The following L3MBTL4 variants were observed in gnomAD, a reference collection of about 807,000 sequenced individuals.
L3MBTL4 encodes L3MBTL histone methyl-lysine binding protein 4.
A neutral mutation model predicts 84.5 loss-of-function variants in L3MBTL4; 70 were observed. That is an observed-to-expected ratio of 0.83 (90% confidence interval 0.68 to 1.01). The LOEUF is 1.01. Among genes scored for constraint, L3MBTL4 ranks in the 50% least tolerant of loss-of-function variants. L3MBTL4 has a pLI of 0.00. For synonymous variants in L3MBTL4, 274 were observed against 259.8 expected, an observed-to-expected ratio of 1.05 and a Z score of -0.52; for missense variants, 715 against 754.8, an observed-to-expected ratio of 0.95 and a Z score of 0.62.
At position 5,967,685 on chromosome 18, in the gene L3MBTL4, T is replaced by C. The variant is rs542908753; in HGVS notation, c.1614+1708A>G. Among the ~76,000 whole-genome samples, 291 of 152,194 alleles carry C rather than the reference T, an allele frequency of 1.9e-3. 3 individuals are homozygous for C. Among genetic ancestry groups the C allele is most frequent in the African/African-American group, 6.5e-3 (268 of 41,532 alleles). On this transcript the variant is annotated intron_variant, in intron 17 of 18. Coordinates refer to ENST00000317931, the MANE Select transcript of L3MBTL4 (RefSeq NM_001330559.2). ...CAGAGTGCAGATGCCCTGCCAGAGG[T>C]GACCTCTGGCTCAGACCGAGGATCC...
At chr18:6,218,458 C>T (rs143981817) in intron 10 of L3MBTL4, among the ~76,000 whole-genome samples, 23 of 152,234 alleles carry the variant, frequency 1.5e-4, no homozygotes, top group African/African-American at 4.6e-4. Context: ...CGAAAGGAAA[C>T]CTGAGTGTAG....
chr18:6,071,171 A>C (rs2057580906), intron 16 of L3MBTL4, among the ~76,000 whole-genome samples: 1 of 151,598 alleles, frequency 6.6e-6, no homozygotes, highest in African/African-American at 2.4e-5. Flanking sequence ...TGGGGAGATC[A>C]CTTGAGGCTA....
chr18:6,215,526 G>A, intron 11 of L3MBTL4, among the ~76,000 whole-genome samples: 1 of 152,132 alleles, frequency 6.6e-6, no homozygotes, highest in Non-Finnish European at 1.5e-5. Flanking sequence ...CCTCTGATTT[G>A]CCATTTTTCA....
chr18:6,084,495 G>A (rs2058192530), intron 15 of L3MBTL4, among the ~76,000 whole-genome samples: 1 of 152,114 alleles, frequency 6.6e-6, no homozygotes, highest in African/African-American at 2.4e-5. Flanking sequence ...TCCCCAAACT[G>A]CCACAATAAC....
At chr18:6,104,995 C>T (rs2058954658) in intron 14 of L3MBTL4, among the ~76,000 whole-genome samples, 1 of 151,800 alleles carries the variant, frequency 6.6e-6, no homozygotes, top group East Asian at 1.9e-4. Flanking sequence ...TTAAAAACAG[C>T]TGTTTTAAAA....
intron 16 of L3MBTL4, among the ~76,000 whole-genome samples, chr18:6,001,284 C>T (rs1474427509): frequency 2.0e-5 from 3 of 152,222 alleles, no homozygotes; most frequent in Non-Finnish European, 4.4e-5. Flanking sequence ...CAGTTTTCCC[C>T]TTCTGGGGAG....
chr18:6,267,867 A>T (rs2048702509), intron 4 of L3MBTL4, among the ~76,000 whole-genome samples: 1 of 152,214 alleles, frequency 6.6e-6, no homozygotes, highest in Non-Finnish European at 1.5e-5. Flanking sequence ...AAGTGAGATG[A>T]GGGAATACCA....
At chr18:5,986,094 G>T (rs1392239444) in intron 16 of L3MBTL4, among the ~76,000 whole-genome samples, 1 of 152,174 alleles carries the variant, frequency 6.6e-6, no homozygotes, top group Non-Finnish European at 1.5e-5. Flanking sequence ...TGGAGCAGCT[G>T]ATTTACCTGA....
intron 16 of L3MBTL4, among the ~76,000 whole-genome samples, chr18:5,996,254 T>G (rs1444982297): frequency 6.6e-6 from 1 of 152,212 alleles, no homozygotes; most frequent in Non-Finnish European, 1.5e-5. Flanking sequence ...AATCTGATTT[T>G]TTCCGAAATA....
chr18:6,243,859 T>C (rs1226544018), intron 6 of L3MBTL4, among the ~76,000 whole-genome samples: 2 of 152,132 alleles, frequency 1.3e-5, no homozygotes, highest in African/African-American at 2.4e-5. Context: ...CTCTAACATA[T>C]GTATCCAGCA....
chr18:6,030,598 A>T, intron 16 of L3MBTL4: 1 of 772,880 alleles, frequency 1.3e-6, no homozygotes, highest in South Asian at 5.9e-5. Flanking sequence ...TCCCAGGTTC[A>T]AGCGATTCTC....
chr18:6,395,624 T>C (rs1397727763), intron 1 of L3MBTL4: 3 of 152,190 alleles, frequency 2.0e-5, no homozygotes, highest in Non-Finnish European at 2.9e-5. Flanking sequence ...TCAGATAATA[T>C]GATTAGTAGC....
intron 5 of L3MBTL4, among the ~76,000 whole-genome samples, chr18:6,251,392 T>C (rs918376676): frequency 3.9e-5 from 6 of 152,350 alleles, no homozygotes; most frequent in African/African-American, 1.4e-4. Flanking sequence ...GAATATAAGA[T>C]AGAGAAGGAA....
intron 1 of L3MBTL4, among the ~76,000 whole-genome samples, chr18:6,377,287 C>T (rs1169541770): frequency 6.6e-6 from 1 of 152,142 alleles, no homozygotes; most frequent in Non-Finnish European, 1.5e-5. Context: ...GCCGTGTCCA[C>T]TTTTCTTCAT....
At chr18:6,151,387 T>TA (rs61415451) in intron 13 of L3MBTL4, among the ~76,000 whole-genome samples, 35 of 152,282 alleles carry the variant, frequency 2.3e-4, no homozygotes, top group African/African-American at 8.4e-4. Flanking sequence ...TTAATTTTTT[T>TA]AATTTTCATA....
chr18:6,310,118 A>G (rs1031977630), intron 3 of L3MBTL4, among the ~76,000 whole-genome samples: 1 of 152,226 alleles, frequency 6.6e-6, no homozygotes, highest in Non-Finnish European at 1.5e-5. Flanking sequence ...CATGTGGAGA[A>G]GTACCCAGAA....
chr18:6,272,639 T>A (rs2048933685), intron 4 of L3MBTL4, among the ~76,000 whole-genome samples: 1 of 87,972 alleles, frequency 1.1e-5, no homozygotes, highest in African/African-American at 4.9e-5. Context: ...AAAGGGGGAG[T>A]TGTGCAAATT....
At chr18:6,157,922 C>T (rs572313856) in intron 13 of L3MBTL4, among the ~76,000 whole-genome samples, 15 of 152,252 alleles carry the variant, frequency 9.9e-5, no homozygotes, top group African/African-American at 3.6e-4. Flanking sequence ...TATCAACTTC[C>T]TATTTAGGAA....
intron 14 of L3MBTL4, among the ~76,000 whole-genome samples, chr18:6,123,789 A>C (rs1371893471): frequency 6.6e-6 from 1 of 152,234 alleles, no homozygotes; most frequent in Non-Finnish European, 1.5e-5. Context: ...CCTTTGTCCT[A>C]CTACCTGGCA....
Sources: gnomAD v4.1 joint callset for allele counts (sites outside exome capture counted in the v4.1 genomes callset) on GRCh38, gnomAD v4.1.1 for gene constraint, MANE v1.5 for transcripts, NCBI Gene and HGNC (gene_info 2026-07-23, HGNC 2026-07-21) for gene names.